GRM1: variants seen among roughly 807,000 people sequenced by gnomAD.
GRM1 encodes the protein glutamate metabotropic receptor 1.
A neutral mutation model predicts 90.9 loss-of-function variants in GRM1; 33 were observed. The observed-to-expected ratio is 0.36, with a 90% confidence interval of 0.28 to 0.49. The LOEUF (loss-of-function observed/expected upper bound fraction) is 0.49, where lower values mean the gene tolerates loss of function less well. Ranked by LOEUF, GRM1 falls within the 20% of genes least tolerant of loss-of-function variation. The pLI is 0.99. For missense variants in GRM1, 1,190 were observed against 1,534.3 expected (o/e 0.78, Z 3.75); for synonymous variants, 700 against 613.2 (o/e 1.14, Z -2.09).
chr6:146,329,005 C>G (rs1003528022), intron 3 of GRM1, among the ~76,000 whole-genome samples: 3 of 152,138 alleles, frequency 2.0e-5, no homozygotes, highest in African/African-American at 7.2e-5. Context: ...TAGTGTGAAC[C>G]CTTCTAACCC....
At chr6:146,292,120 C>A (rs1364176763) in intron 2 of GRM1, among the ~76,000 whole-genome samples, 1 of 151,866 alleles carries the variant, frequency 6.6e-6, no homozygotes, top group African/African-American at 2.4e-5. Context: ...TAATGCTGGA[C>A]CCTTCCCTCA....
At chr6:146,043,781 T>TGA (rs559274646) in intron 1 of GRM1, among the ~76,000 whole-genome samples, 4 of 64,940 alleles carry the variant, frequency 6.2e-5, no homozygotes, top group East Asian at 9.6e-4. Context: ...AAGAGTCAGG[T>TGA]GATATATATA....
intron 2 of GRM1, among the ~76,000 whole-genome samples, chr6:146,220,438 C>T (rs1265955796): frequency 2.0e-5 from 3 of 152,036 alleles, no homozygotes; most frequent in Admixed American, 6.6e-5. Context: ...GAAAAGTCCA[C>T]CTATGTGCAA....
At chr6:146,061,734 A>T (rs978661372) in intron 1 of GRM1, among the ~76,000 whole-genome samples, 2 of 152,018 alleles carry the variant, frequency 1.3e-5, no homozygotes, top group Admixed American at 1.3e-4. Context: ...CATCACTATG[A>T]TGATGAGTGA....
chr6:146,128,408 A>G (rs1776275146), intron 1 of GRM1, among the ~76,000 whole-genome samples: 1 of 151,914 alleles, frequency 6.6e-6, no homozygotes, highest in African/African-American at 2.4e-5. Context: ...ATCACCAAAC[A>G]CTCTGAGGTA....
intron 5 of GRM1, among the ~76,000 whole-genome samples, chr6:146,369,411 G>T (rs1775816364): frequency 6.6e-6 from 1 of 151,682 alleles, no homozygotes; most frequent in African/African-American, 2.4e-5. Context: ...TGCATTATGA[G>T]GTTGTTTATT....
chr6:146,146,139 T>TTTTTTTTTTTTTTTTTTTTTTTTG, intron 1 of GRM1, among the ~76,000 whole-genome samples: 1 of 107,612 alleles, frequency 9.3e-6, no homozygotes, highest in South Asian at 3.2e-4. Flanking sequence ...TTTTTTTTTT[T>TTTTTTTTTTTTTTTTTTTTTTTTG]GAGACGTGGC....
intron 1 of GRM1, among the ~76,000 whole-genome samples, chr6:146,068,186 A>C: frequency 6.7e-6 from 1 of 149,536 alleles, no homozygotes; most frequent in Non-Finnish European, 1.5e-5. Context: ...ATCTCAGCTC[A>C]CTCTGCAAGC....
chr6:146,428,097 C>A (rs537138099), intron 7 of GRM1, among the ~76,000 whole-genome samples: 1 of 152,326 alleles, frequency 6.6e-6, no homozygotes, highest in African/African-American at 2.4e-5. Flanking sequence ...TAAGAACTTT[C>A]AGAATAGGAT....
chr6:146,189,917 G>A (rs2114577649), intron 2 of GRM1, among the ~76,000 whole-genome samples: 1 of 152,272 alleles, frequency 6.6e-6, no homozygotes, highest in Admixed American at 6.5e-5. Context: ...ATCCCATGGT[G>A]CCAAAGTCAA....
At chr6:146,299,608 C>T (rs1316294182) in intron 2 of GRM1, among the ~76,000 whole-genome samples, 4 of 152,200 alleles carry the variant, frequency 2.6e-5, no homozygotes, top group African/African-American at 9.7e-5. Context: ...CCCAACAATA[C>T]ATGGCCTCCA....
At chr6:146,207,160 C>T (rs1420749176) in intron 2 of GRM1, among the ~76,000 whole-genome samples, 1 of 152,050 alleles carries the variant, frequency 6.6e-6, no homozygotes. Context: ...ATTTATATTC[C>T]TGTGGGTATA....
chr6:146,028,944 C>G (rs1376869730), upstream of GRM1, among the ~76,000 whole-genome samples: 1 of 152,142 alleles, frequency 6.6e-6, no homozygotes, highest in Non-Finnish European at 1.5e-5. Context: ...TTTAGGGGAC[C>G]AGGAAACGAC....
intron 1 of GRM1, among the ~76,000 whole-genome samples, chr6:146,158,085 A>T (rs1012706681): frequency 6.6e-6 from 1 of 152,202 alleles, no homozygotes; most frequent in African/African-American, 2.4e-5. Context: ...TTTTTGGTAC[A>T]TGTGCTGATG....
chr6:146,241,939 C>T (rs1780879625), intron 2 of GRM1, among the ~76,000 whole-genome samples: 1 of 152,058 alleles, frequency 6.6e-6, no homozygotes, highest in South Asian at 2.1e-4. Flanking sequence ...GGACCAATAA[C>T]CAGGGAAGCC....
At chr6:146,377,827 G>T (rs1479497199) in intron 5 of GRM1, among the ~76,000 whole-genome samples, 3 of 152,166 alleles carry the variant, frequency 2.0e-5, no homozygotes, top group Non-Finnish European at 4.4e-5. Context: ...GCTAAAATGG[G>T]CCAAGGTAGA....
intron 2 of GRM1, among the ~76,000 whole-genome samples, chr6:146,191,310 G>T (rs1417654436): frequency 2.0e-5 from 3 of 152,278 alleles, no homozygotes; most frequent in South Asian, 2.1e-4. Flanking sequence ...CAAGGACCAG[G>T]TCTTGCTTGT....
intron 1 of GRM1, among the ~76,000 whole-genome samples, chr6:146,052,599 C>G (rs1036679473): frequency 6.6e-6 from 1 of 152,006 alleles, no homozygotes; most frequent in African/African-American, 2.4e-5. Context: ...TCCTTGCCAT[C>G]CTTGAGCACA....
chr6:146,095,753 A>T (rs1025006172), intron 1 of GRM1, among the ~76,000 whole-genome samples: 1 of 152,130 alleles, frequency 6.6e-6, no homozygotes, highest in African/African-American at 2.4e-5. Context: ...CATGAGATTC[A>T]TGAGAGTAAC....
Sources: gnomAD v4.1 joint callset for allele counts (sites outside exome capture counted in the v4.1 genomes callset) on GRCh38, gnomAD v4.1.1 for gene constraint, MANE v1.5 for transcripts, NCBI Gene and HGNC (gene_info 2026-07-23, HGNC 2026-07-21) for gene names.